Variants in VPS13B observed in about 807,000 individuals in gnomAD.
The protein encoded by VPS13B is intermembrane lipid transfer protein VPS13B.
In VPS13B, 285 loss-of-function variants were observed where a neutral mutation model predicts 426.4. The ratio of observed to expected loss-of-function variants is 0.67; its 90% confidence interval spans 0.61 to 0.74. The LOEUF (loss-of-function observed/expected upper bound fraction) is 0.74, where lower values mean the gene tolerates loss of function less well. Ranked by LOEUF, VPS13B falls within the 30% of genes least tolerant of loss-of-function variation. The pLI, the probability that VPS13B is intolerant of heterozygous loss-of-function variation, is 0.00. For synonymous variants in VPS13B, 1,676 were observed against 1,676.4 expected (o/e 1.00, Z 0.01); for missense variants, 4,537 against 4,782.6 (o/e 0.95, Z 1.51).
chr8:99,776,695 C>G, intron 40 of VPS13B, 80 bp from the exon 41 acceptor site: 2 of 1,326,764 alleles, frequency 1.5e-6, no homozygotes, highest in Non-Finnish European at 2.2e-6. Context: ...GTTTTAGAAA[C>G]CCTTATAAAA....
intron 3 of VPS13B, among the ~76,000 whole-genome samples, chr8:99,048,828 A>C (rs1010443395): frequency 2.1e-5 from 3 of 144,406 alleles, no homozygotes; most frequent in African/African-American, 7.7e-5. Context: ...AAAAAAAAAG[A>C]AAATTTGGGA....
intron 33 of VPS13B, among the ~76,000 whole-genome samples, chr8:99,637,568 G>T (rs749396760): frequency 2.0e-5 from 3 of 152,094 alleles, no homozygotes; most frequent in Non-Finnish European, 4.4e-5. Context: ...GCTGATAGCT[G>T]CCATCCTGCC....
intron 33 of VPS13B, among the ~76,000 whole-genome samples, chr8:99,591,291 T>C (rs1826660475): frequency 6.6e-6 from 1 of 151,942 alleles, no homozygotes; most frequent in Admixed American, 6.6e-5. Flanking sequence ...TTGACGGGTC[T>C]TGACTCTTTA....
chr8:99,040,843 G>A (rs571292237), intron 3 of VPS13B, among the ~76,000 whole-genome samples: 1 of 152,064 alleles, frequency 6.6e-6, no homozygotes, highest in South Asian at 2.1e-4. Context: ...GGAATATGAG[G>A]CTTAAATCAG....
chr8:99,764,627 G>A (rs1170836433), intron 39 of VPS13B, among the ~76,000 whole-genome samples: 2 of 151,772 alleles, frequency 1.3e-5, no homozygotes, highest in Non-Finnish European at 2.9e-5. Flanking sequence ...TGTTGATCAG[G>A]CTGGTCTTGA....
intron 33 of VPS13B, among the ~76,000 whole-genome samples, chr8:99,594,593 T>A (rs4735623): frequency 0.043 from 6,470 of 152,064 alleles, 154 homozygotes; most frequent in East Asian, 0.06. Context: ...TTGAGCTTGA[T>A]TGGATAAAAG....
chr8:99,295,338 T>C (rs1405033933), intron 19 of VPS13B, among the ~76,000 whole-genome samples: 2 of 152,156 alleles, frequency 1.3e-5, no homozygotes, highest in African/African-American at 4.8e-5. Flanking sequence ...GGTTAAGTAA[T>C]GGATTTTATG....
chr8:99,739,543 C>T (rs1401311240), intron 39 of VPS13B, among the ~76,000 whole-genome samples: 1 of 152,176 alleles, frequency 6.6e-6, no homozygotes, highest in Non-Finnish European at 1.5e-5. Context: ...TGTCCCTGAC[C>T]CCAGAGTAGC....
rs2130822045 is a variant in VPS13B at position 99,821,366 on chromosome 8, C to G, written c.9067C>G (p.His3023Asp). 6.2e-7 allele frequency: 1 copy of G among 1,613,730 alleles called. No individual in the cohort carries two copies. The highest frequency in any genetic ancestry group is 8.5e-7 in the Non-Finnish European group (1 of 1,179,804). The change falls in exon 50 of 62, where the codon CAT becomes GAT. Residue 3023 changes from histidine (H) to aspartate (D), a missense_variant. Around this residue, in one of 2 missense-constraint regions of VPS13B, gnomAD observed 4,311 missense variants for 4,474.3 expected, o/e 0.96. Transcript: ENST00000357162. The stretch of plus-strand genomic sequence containing the variant: ...CAAGTCAGTAGCAATTAAACTGGTC[C>G]ATAACCTGACATCTCCAAAGTGGAA... ...VHKSVAIKLV[H>D]NLTSPKWKDG...
intron 33 of VPS13B, among the ~76,000 whole-genome samples, chr8:99,584,401 T>A (rs1018401797): frequency 6.6e-6 from 1 of 152,206 alleles, no homozygotes; most frequent in African/African-American, 2.4e-5. Flanking sequence ...CCCTATAGAT[T>A]TCTTTGCCAG....
chr8:99,706,412 A>G (rs1393862967), intron 36 of VPS13B, among the ~76,000 whole-genome samples: 1 of 152,202 alleles, frequency 6.6e-6, no homozygotes, highest in Non-Finnish European at 1.5e-5. Flanking sequence ...ATGTGTCCAC[A>G]TGCAATAATG....
chr8:99,372,579 G>A (rs915134706), intron 19 of VPS13B, among the ~76,000 whole-genome samples: 113 of 152,290 alleles, frequency 7.4e-4, no homozygotes, highest in African/African-American at 2.6e-3. Context: ...ATCATCATTG[G>A]CCATTAGAGA....
At chr8:99,037,356 C>T (rs1842791999) in intron 2 of VPS13B, among the ~76,000 whole-genome samples, 1 of 151,774 alleles carries the variant, frequency 6.6e-6, no homozygotes. Context: ...AATGATTTCT[C>T]TGTGAGGAAG....
At chr8:99,781,227 A>G (rs1454592083) in intron 42 of VPS13B, among the ~76,000 whole-genome samples, 1 of 152,168 alleles carries the variant, frequency 6.6e-6, no homozygotes, top group Non-Finnish European at 1.5e-5. Context: ...TGTTTTGTGA[A>G]AACAGATTAA....
In VPS13B at chr8:99,081,617, C is replaced by T. The variant is rs947240177; in HGVS notation, c.292-14695C>T. On this transcript the variant is annotated intron_variant, in intron 3 of 61. Coordinates refer to ENST00000357162, the MANE Select transcript of VPS13B (RefSeq NM_152564.5). ...CAGGCCCCCACCCCACAACAGGCCC[C>T]CACCCCACAACAGGCCCCGGTGTGT... Among the ~76,000 whole-genome samples the T allele has an allele frequency of 6.2e-5, 9 of 146,038 alleles. No individual in the cohort carries two copies. In the Admixed American group the frequency reaches 6.2e-4, roughly 10 times the overall value.
intron 2 of VPS13B, among the ~76,000 whole-genome samples, chr8:99,028,998 G>A (rs1381438124): frequency 6.7e-6 from 1 of 149,904 alleles, no homozygotes; most frequent in Non-Finnish European, 1.5e-5. Context: ...GCTGCCGGGC[G>A]GAGGGGCTCC....
At chr8:99,380,494 T>C (rs1813734270) in intron 19 of VPS13B, among the ~76,000 whole-genome samples, 1 of 152,100 alleles carries the variant, frequency 6.6e-6, no homozygotes, top group Non-Finnish European at 1.5e-5. Flanking sequence ...AGTACACATA[T>C]TGGTCCTTGG....
chr8:99,686,484 G>A (rs1831408741), intron 35 of VPS13B, among the ~76,000 whole-genome samples: 1 of 151,942 alleles, frequency 6.6e-6, no homozygotes, highest in Non-Finnish European at 1.5e-5. Context: ...TGCTGTCCAG[G>A]AGCCAGGGCC....
At chr8:99,686,755 A>G (rs1324356313) in intron 35 of VPS13B, among the ~76,000 whole-genome samples, 2 of 151,936 alleles carry the variant, frequency 1.3e-5, no homozygotes, top group Non-Finnish European at 2.9e-5. Flanking sequence ...CAAGGCAATG[A>G]GCTCCCCTCT....
Sources: allele counts gnomAD v4.1 joint callset (sites outside exome capture counted in the v4.1 genomes callset), GRCh38; gene constraint gnomAD v4.1.1; regional missense constraint gnomAD v4.1.1; transcripts MANE v1.5; gene names NCBI Gene and HGNC (gene_info 2026-07-23, HGNC 2026-07-21).